TTL: variants seen among roughly 807,000 people sequenced by gnomAD.
The protein encoded by TTL is tubulin--tyrosine ligase.
In TTL, 10 loss-of-function variants were observed where a neutral mutation model predicts 41.1. The ratio of observed to expected loss-of-function variants is 0.24; its 90% CI spans 0.15 to 0.41. The LOEUF (loss-of-function observed/expected upper bound fraction) is 0.41, where lower values mean the gene tolerates loss of function less well. TTL is among the 10% of genes least tolerant of loss of function. TTL has a pLI of 1.00. For synonymous variants in TTL, 175 were observed against 175.5 expected, an observed-to-expected ratio of 1.00 and a Z score of 0.02; for missense variants, 367 against 460.4, an observed-to-expected ratio of 0.80 and a Z score of 1.86.
intron 5 of TTL, among the ~76,000 whole-genome samples, chr2:112,509,201 AC>A: frequency 7.0e-6 from 1 of 142,254 alleles, no homozygotes. Context: ...TGCTGGGAGA[AC>A]CACTGCTCTC....
intron 1 of TTL, among the ~76,000 whole-genome samples, chr2:112,485,358 C>T (rs1681213471): frequency 6.6e-6 from 1 of 152,170 alleles, no homozygotes. Flanking sequence ...TGAGTTTCCC[C>T]ATGGAATGCG....
chr2:112,502,298 G>A (rs1487488270), intron 4 of TTL, among the ~76,000 whole-genome samples: 1 of 152,146 alleles, frequency 6.6e-6, no homozygotes, highest in African/African-American at 2.4e-5. Flanking sequence ...ATTACTCAAA[G>A]AGGAGACATA....
intron 5 of TTL, among the ~76,000 whole-genome samples, chr2:112,512,265 A>AT (rs752568110): frequency 2.4e-3 from 300 of 123,620 alleles, no homozygotes; most frequent in South Asian, 5.6e-3. Flanking sequence ...CTAATTTTGT[A>AT]TTTTTTTTTT....
At chr2:112,515,611 TTA>T (rs1682047471) in intron 5 of TTL, among the ~76,000 whole-genome samples, 1 of 152,128 alleles carries the variant, frequency 6.6e-6, no homozygotes, top group Admixed American at 6.6e-5. Context: ...TATAAAACAT[TTA>T]CAGCATCCCA....
intron 5 of TTL, among the ~76,000 whole-genome samples, chr2:112,510,503 T>C (rs1182529540): frequency 6.6e-6 from 1 of 151,954 alleles, no homozygotes; most frequent in Non-Finnish European, 1.5e-5. Flanking sequence ...TAGAATTTTG[T>C]TCTTATTGCC....
intron 6 of TTL, chr2:112,521,198 C>T (rs1682217079): frequency 2.0e-6 from 2 of 985,230 alleles, no homozygotes; most frequent in Non-Finnish European, 2.4e-6. Flanking sequence ...CCTGTGGGCT[C>T]TCACCCTGTC....
At chr2:112,517,350 C>T (rs1046468857) in intron 5 of TTL, among the ~76,000 whole-genome samples, 47 of 152,022 alleles carry the variant, frequency 3.1e-4, no homozygotes, top group Middle Eastern at 3.4e-3. Context: ...CGGGTTTGAG[C>T]GATTCTCCTG....
intron 5 of TTL, among the ~76,000 whole-genome samples, chr2:112,514,699 T>C (rs1224866224): frequency 6.6e-6 from 1 of 152,228 alleles, no homozygotes. Context: ...TCTTTGTACA[T>C]ATTCCTGCAT....
At chr2:112,502,009 T>C (rs1224918866) in intron 4 of TTL, among the ~76,000 whole-genome samples, 1 of 152,226 alleles carries the variant, frequency 6.6e-6, no homozygotes, top group Non-Finnish European at 1.5e-5. Context: ...TGTGCAACCT[T>C]GCCAAATAAT....
At chr2:112,488,763 AAAAG>A (rs1295118902) in intron 2 of TTL, among the ~76,000 whole-genome samples, 1 of 148,208 alleles carries the variant, frequency 6.7e-6, no homozygotes, top group Non-Finnish European at 1.5e-5. Context: ...TTCTTAAAAA[AAAAG>A]AAAAGAAAAG....
chr2:112,517,833 A>G (rs540336116), intron 5 of TTL, among the ~76,000 whole-genome samples: 115 of 151,544 alleles, frequency 7.6e-4, no homozygotes, highest in African/African-American at 2.6e-3. Flanking sequence ...AGTCCCAGCT[A>G]CTTCGGAAGC....
At position 112,503,805 on chromosome 2, in the gene TTL, C is replaced by CTTT. The variant is rs70963002; in HGVS notation, c.875+642_875+644dup. Among the ~76,000 whole-genome samples the CTTT allele has an allele frequency of 2.9e-3, 293 of 102,424 alleles. 1 individual carries two copies. The highest frequency in any genetic ancestry group is 6.8e-3 in the African/African-American group (179 of 26,366). The allele number at this position is 102,424 out of a possible 152,430, so 67.2% of individuals were successfully genotyped here. A position where few individuals can be genotyped will look rare whatever the true frequency, so the allele number is the denominator to read the frequency against. On this transcript the variant is annotated intron_variant, in intron 5 of 6. Transcript: ENST00000233336. ...TTCTCATTCTTTTATCCGTAAACTT[C>CTTT]TTTTTTTTTTTTTTTTTTTTATTAT...
rs1681469668 is a variant in TTL at position 112,494,337 on chromosome 2, G to A, written c.431G>A (p.Gly144Asp). The A allele has an allele frequency of 6.2e-7, 1 of 1,614,016 alleles. No homozygotes were observed. The highest frequency in any genetic ancestry group is 8.5e-7 in the Non-Finnish European group (1 of 1,180,036). The change falls in exon 3 of 7, where the codon GGC becomes GAC. Residue 144 changes from glycine to aspartate, a missense_variant. Transcript: ENST00000233336. ...SYNRKKEDGE[G>D]NVWIAKSSAG... ...AACAGAAAGAAAGAGGATGGAGAGG[G>A]CAACGTTTGGATTGCAAAGTCATCA...
rs1404184549 is a variant in TTL, at chr2:112,530,148, T to C, written c.*1353T>C. On this transcript the variant is annotated 3_prime_UTR_variant, in exon 7 of 7. Transcript: ENST00000233336. ...TTCTTCATGCCTATGTGTGCTCCAT[T>C]CCTCATTTCTACTTGGCTCAAGAAA... 6 of 228,992 alleles carry C rather than the reference T, an allele frequency of 2.6e-5. No homozygotes were observed. 14.2% of individuals were successfully genotyped at this position (228,992 alleles called of 1,614,324 possible).
intron 5 of TTL, among the ~76,000 whole-genome samples, chr2:112,509,067 C>T (rs1574064216): frequency 9.4e-6 from 1 of 106,096 alleles, no homozygotes; most frequent in South Asian, 3.4e-4. Context: ...TGTTGGAATA[C>T]CCTGCTGTGT....
At chr2:112,514,244 T>C (rs1682007000) in intron 5 of TTL, among the ~76,000 whole-genome samples, 1 of 152,206 alleles carries the variant, frequency 6.6e-6, no homozygotes, top group East Asian at 1.9e-4. Flanking sequence ...TAGCTGGGCA[T>C]GGTGGTGCAC....
rs567404661 is a variant in TTL, at chr2:112,511,120, C to T, written c.875+7939C>T. The stretch of plus-strand genomic sequence containing the variant: ...GCAGCCTTAACCTCCTGGGCTCAAG[C>T]GTAAGTAGCCTAGGTAGCTGGGACT... On this transcript the variant is annotated intron_variant, in intron 5 of 6. Coordinates refer to ENST00000233336, the MANE Select transcript of TTL (RefSeq NM_153712.5). Among the ~76,000 whole-genome samples, 42 of 152,168 alleles carry T rather than the reference C, an allele frequency of 2.8e-4. 1 individual carries two copies. In the South Asian group the frequency reaches 6.6e-3, roughly 24 times the overall value.
chr2:112,509,809 C>A (rs574364170), intron 5 of TTL, among the ~76,000 whole-genome samples: 16 of 152,172 alleles, frequency 1.1e-4, no homozygotes, highest in African/African-American at 3.1e-4. Context: ...AGCTGTAGAC[C>A]GGAGCTGTTC....
intron 2 of TTL, 151 bp downstream of exon 2, chr2:112,486,146 C>A: frequency 1.4e-6 from 1 of 725,464 alleles, no homozygotes; most frequent in Non-Finnish European, 2.2e-6. Flanking sequence ...GGTTGCGGTC[C>A]AAAACATGGT....
Sources: allele counts gnomAD v4.1 joint callset (sites outside exome capture counted in the v4.1 genomes callset), GRCh38; gene constraint gnomAD v4.1.1; transcripts MANE v1.5; gene names NCBI Gene and HGNC (gene_info 2026-07-23, HGNC 2026-07-21).